The following ROBO2 variants were observed in gnomAD, a reference collection of about 807,000 sequenced individuals.
The protein encoded by ROBO2 is roundabout homolog 2.
ROBO2 carries 53 observed loss-of-function variants against 160.8 expected under a neutral mutation model. The observed-to-expected ratio is 0.33, with a 90% confidence interval of 0.26 to 0.41. The LOEUF is 0.41. Ranked by LOEUF, ROBO2 falls within the 10% of genes least tolerant of loss-of-function variation. The probability of loss-of-function intolerance (pLI) is 1.00; values close to 1 mark genes in which losing one functional copy is unlikely to be tolerated. For synonymous variants in ROBO2, 664 were observed against 611.7 expected, an observed-to-expected ratio of 1.09 and a Z score of -1.26; for missense variants, 1,577 against 1,722.4, an observed-to-expected ratio of 0.92 and a Z score of 1.49.
In ROBO2 at chr3:76,216,435, T is replaced by C. The variant is rs1435424088; in HGVS notation, c.109+278833T>C. 4.6e-5 allele frequency among the ~76,000 whole-genome samples: 7 copies of C among 152,036 alleles called. No homozygotes were observed. The East Asian group carries it at 1.2e-3, about 25-fold the overall frequency. ...AACCCATCTCACATGCAGAGACACA[T>C]ATAGGCTCAAAATAAAGGGATGGAG... On this transcript the variant is annotated intron_variant, in intron 2 of 26. Coordinates refer to the ROBO2 transcript ENST00000487694.
chr3:76,289,728 C>A (rs971271094), intron 2 of ROBO2, among the ~76,000 whole-genome samples: 3 of 152,104 alleles, frequency 2.0e-5, no homozygotes, highest in African/African-American at 7.2e-5. Flanking sequence ...GTTATCCCAG[C>A]ATAATTTATT....
At chr3:76,347,076 CT>C (rs1439516954) in intron 2 of ROBO2, among the ~76,000 whole-genome samples, 2 of 152,052 alleles carry the variant, frequency 1.3e-5, no homozygotes, top group Non-Finnish European at 2.9e-5. Context: ...TGGATTATGT[CT>C]CTTTACGTTT....
intron 2 of ROBO2, among the ~76,000 whole-genome samples, chr3:77,349,703 C>A (rs1245068726): frequency 6.6e-6 from 1 of 152,132 alleles, no homozygotes; most frequent in African/African-American, 2.4e-5. Flanking sequence ...TATGAGAATT[C>A]CAGAACTTCC....
chr3:77,437,466 A>G (rs1251195998), intron 2 of ROBO2, among the ~76,000 whole-genome samples: 1 of 151,996 alleles, frequency 6.6e-6, no homozygotes, highest in Non-Finnish European at 1.5e-5. Context: ...AGTGATTATT[A>G]TTACATTATA....
chr3:77,601,800 C>T (rs986921792), intron 19 of ROBO2, among the ~76,000 whole-genome samples: 1 of 152,094 alleles, frequency 6.6e-6, no homozygotes, highest in African/African-American at 2.4e-5. Flanking sequence ...AGTTGTAGTC[C>T]ATGTCTCTTG....
chr3:77,634,750 G>T lies in ROBO2; in HGVS notation c.3761-120G>T, dbSNP rs189829222. The T allele has an allele frequency of 4.8e-5, 45 of 930,902 alleles. No individual in the cohort carries two copies. The African/African-American group carries it at 6.0e-4, about 12-fold the overall frequency. The allele number at this position is 930,902 out of a possible 1,614,324, so 57.7% of individuals were successfully genotyped here. On this transcript the variant is annotated intron_variant, in intron 23 of 25. Coordinates refer to ENST00000461745, the Ensembl canonical transcript of ROBO2. ...TTCTACAGAGATGCACCAATATTTGGTATCTTCATATGTTATCTCTAGGTA... is the reference window on the plus strand; with the variant it reads ...TTCTACAGAGATGCACCAATATTTGTTATCTTCATATGTTATCTCTAGGTA...
At chr3:76,331,605 G>C (rs2073488538) in intron 2 of ROBO2, among the ~76,000 whole-genome samples, 1 of 151,666 alleles carries the variant, frequency 6.6e-6, no homozygotes, top group South Asian at 2.1e-4. Flanking sequence ...GGGCATCTTT[G>C]CAGTCTACAT....
At chr3:76,841,764 A>T (rs760431716) in intron 2 of ROBO2, among the ~76,000 whole-genome samples, 2 of 152,226 alleles carry the variant, frequency 1.3e-5, no homozygotes, top group Non-Finnish European at 2.9e-5. Flanking sequence ...AAGGAAGGAC[A>T]TCTTTTCTAC....
At chr3:77,006,867 T>C (rs2149443662) in intron 2 of ROBO2, among the ~76,000 whole-genome samples, 1 of 152,252 alleles carries the variant, frequency 6.6e-6, no homozygotes, top group East Asian at 1.9e-4. Context: ...TTAGGAAGTA[T>C]AAGGTATTTA....
chr3:76,458,224 C>T (rs1296453758), intron 2 of ROBO2, among the ~76,000 whole-genome samples: 1 of 152,176 alleles, frequency 6.6e-6, no homozygotes, highest in East Asian at 1.9e-4. Context: ...GCACCCAAGT[C>T]ACCTCTTGAA....
intron 2 of ROBO2, among the ~76,000 whole-genome samples, chr3:76,026,552 C>A (rs945038473): frequency 6.6e-6 from 1 of 151,838 alleles, no homozygotes; most frequent in African/African-American, 2.4e-5. Flanking sequence ...AGATAAAATA[C>A]ATTCATTGTA....
intron 2 of ROBO2, among the ~76,000 whole-genome samples, chr3:76,102,118 T>G (rs1212264823): frequency 6.6e-6 from 1 of 152,116 alleles, no homozygotes; most frequent in African/African-American, 2.4e-5. Context: ...GTAGTTCTTT[T>G]AAGTCTGGAG....
chr3:76,723,930 C>T (rs1206608666), intron 2 of ROBO2, among the ~76,000 whole-genome samples: 1 of 152,150 alleles, frequency 6.6e-6, no homozygotes, highest in Non-Finnish European at 1.5e-5. Flanking sequence ...TTCTGCATCA[C>T]AAGCTCTCCA....
chr3:76,703,893 T>A (rs555253008), intron 2 of ROBO2, among the ~76,000 whole-genome samples: 110 of 152,274 alleles, frequency 7.2e-4, no homozygotes, highest in Middle Eastern at 6.8e-3. Flanking sequence ...ATGGGATTGC[T>A]GGGTCAAATG....
At chr3:77,291,841 T>C (rs2061315092) in intron 2 of ROBO2, among the ~76,000 whole-genome samples, 1 of 150,592 alleles carries the variant, frequency 6.6e-6, no homozygotes. Context: ...GTTAAACGGG[T>C]AAGCTGAGGC....
chr3:77,572,803 A>G (rs966908265), intron 13 of ROBO2, among the ~76,000 whole-genome samples: 2 of 152,002 alleles, frequency 1.3e-5, no homozygotes, highest in East Asian at 1.9e-4. Context: ...GTTGCCCCCA[A>G]TTAAAAATAA....
rs146141372 is a variant in ROBO2, at chr3:76,089,020, A to T, written c.109+151418A>T. ...AATGAAAGAGAGGACATCTCTATAG[A>T]TTTATGGGCATCAAAAGGATAAAGA... On this transcript the variant is annotated intron_variant, in intron 2 of 26. Transcript: ENST00000487694. 1.3e-3 allele frequency among the ~76,000 whole-genome samples: 204 copies of T among 152,156 alleles called. No homozygotes were observed. In the South Asian group the frequency reaches 0.023, roughly 17 times the overall value.
chr3:76,801,601 G>A (rs1026575415), intron 2 of ROBO2, among the ~76,000 whole-genome samples: 4 of 151,562 alleles, frequency 2.6e-5, no homozygotes, highest in Non-Finnish European at 5.9e-5. Flanking sequence ...AAAAAGAAAA[G>A]AATATCGCGG....
intron 2 of ROBO2, among the ~76,000 whole-genome samples, chr3:76,987,003 A>C (rs2149353217): frequency 6.6e-6 from 1 of 152,314 alleles, no homozygotes; most frequent in Non-Finnish European, 1.5e-5. Context: ...TATTGACAAT[A>C]AAAGTGCCAA....
Sources: gnomAD v4.1 joint callset for allele counts (sites outside exome capture counted in the v4.1 genomes callset) on GRCh38, gnomAD v4.1.1 for gene constraint, MANE v1.5 for transcripts, NCBI Gene and HGNC (gene_info 2026-07-23, HGNC 2026-07-21) for gene names.